SNX29: variants seen among roughly 807,000 people sequenced by gnomAD.
The protein encoded by SNX29 is sorting nexin-29.
In SNX29, 78 loss-of-function variants were observed where a neutral mutation model predicts 102.1. The ratio of observed to expected loss-of-function variants is 0.76; its 90% CI spans 0.64 to 0.92. The LOEUF (loss-of-function observed/expected upper bound fraction) is 0.92, where lower values mean the gene tolerates loss of function less well. SNX29 is among the 40% of genes least tolerant of loss of function. The probability of loss-of-function intolerance (pLI) is 0.00; values close to 1 mark genes in which losing one functional copy is unlikely to be tolerated. For missense variants in SNX29, 1,280 were observed against 1,061.7 expected (o/e 1.21, Z -2.86); for synonymous variants, 580 against 414.5 (o/e 1.40, Z -4.85).
intron 13 of SNX29, among the ~76,000 whole-genome samples, chr16:12,180,121 C>T (rs952572041): frequency 1.3e-5 from 2 of 152,012 alleles, no homozygotes; most frequent in African/African-American, 4.8e-5. Flanking sequence ...ATTTACCTGT[C>T]TTCAGTATTT....
chr16:12,531,357 C>T (rs1472378897), intron 20 of SNX29, among the ~76,000 whole-genome samples: 1 of 152,164 alleles, frequency 6.6e-6, no homozygotes, highest in African/African-American at 2.4e-5. Flanking sequence ...AAGAGCACGC[C>T]AGGACTGGGT....
At chr16:12,184,021 CG>C (rs1167543381) in intron 13 of SNX29, among the ~76,000 whole-genome samples, 2 of 152,328 alleles carry the variant, frequency 1.3e-5, no homozygotes, top group South Asian at 2.1e-4. Context: ...CGGCATCCCT[CG>C]GGGCTGCTCT....
intron 19 of SNX29, among the ~76,000 whole-genome samples, chr16:12,501,525 C>T (rs1461196358): frequency 6.6e-6 from 1 of 151,968 alleles, no homozygotes; most frequent in African/African-American, 2.4e-5. Context: ...AGTTCAAGAC[C>T]AGCCTGGCCA....
At chr16:12,036,908 A>C (rs535718974) in intron 4 of SNX29, among the ~76,000 whole-genome samples, 1 of 152,248 alleles carries the variant, frequency 6.6e-6, no homozygotes, top group Admixed American at 6.5e-5. Context: ...TTATTTATTG[A>C]CTCAAGTAAT....
intron 1 of SNX29, among the ~76,000 whole-genome samples, chr16:11,995,230 TA>T (rs1396930092): frequency 6.6e-6 from 1 of 152,176 alleles, no homozygotes; most frequent in Non-Finnish European, 1.5e-5. Context: ...CACACCTGGC[TA>T]ATTTTTGTAT....
chr16:12,137,996 G>A (rs1311349124), intron 13 of SNX29, among the ~76,000 whole-genome samples: 1 of 152,148 alleles, frequency 6.6e-6, no homozygotes, highest in African/African-American at 2.4e-5. Context: ...GAGAAGGACT[G>A]GAGTGCTGTC....
At chr16:12,304,959 A>G (rs2080293724) in intron 15 of SNX29, among the ~76,000 whole-genome samples, 1 of 152,256 alleles carries the variant, frequency 6.6e-6, no homozygotes, top group Non-Finnish European at 1.5e-5. Context: ...AAGAATGAGA[A>G]TATAATTAAA....
chr16:12,563,480 G>A (rs1353831961), intron 20 of SNX29, among the ~76,000 whole-genome samples: 2 of 152,176 alleles, frequency 1.3e-5, no homozygotes, highest in Admixed American at 1.3e-4. Context: ...AAGGCTCAAG[G>A]AATAGGGCTA....
chr16:12,130,911 C>T (rs1216478332), intron 13 of SNX29, among the ~76,000 whole-genome samples: 2 of 152,186 alleles, frequency 1.3e-5, no homozygotes, highest in African/African-American at 4.8e-5. Context: ...GACAGCGAGG[C>T]ACCGAGATGG....
chr16:12,145,752 T>G (rs1358810449), intron 13 of SNX29, among the ~76,000 whole-genome samples: 1 of 152,262 alleles, frequency 6.6e-6, no homozygotes, highest in Non-Finnish European at 1.5e-5. Flanking sequence ...AGACATTGTC[T>G]CATGTTATTC....
rs566517323 is a variant in SNX29 at position 12,303,268 on chromosome 16, C to A, written c.1782+25232C>A. On this transcript the variant is annotated intron_variant, in intron 15 of 20. Coordinates refer to ENST00000566228, the MANE Select transcript of SNX29 (RefSeq NM_032167.5). ...TAGCCCCACCCTAGTGAAACACTTG[C>A]CCACGAACACCAGGAGAAACACAGC... Among the ~76,000 whole-genome samples the A allele has an allele frequency of 8.5e-5, 13 of 152,284 alleles. No homozygotes were observed. The East Asian group carries it at 2.3e-3, about 27-fold the overall frequency.
chr16:12,073,386 G>C (rs2051391635), intron 10 of SNX29, among the ~76,000 whole-genome samples: 1 of 151,852 alleles, frequency 6.6e-6, no homozygotes, highest in Non-Finnish European at 1.5e-5. Context: ...TGTTCTCGTT[G>C]GTTTCAAAGA....
At chr16:12,535,302 C>G (rs547714675) in intron 20 of SNX29, among the ~76,000 whole-genome samples, 2 of 152,266 alleles carry the variant, frequency 1.3e-5, no homozygotes, top group Non-Finnish European at 2.9e-5. Context: ...CCATGCCCAG[C>G]TAATTTTTGT....
At chr16:12,380,979 AT>A (rs2083097308) in intron 16 of SNX29, among the ~76,000 whole-genome samples, 1 of 78,660 alleles carries the variant, frequency 1.3e-5, no homozygotes, top group Non-Finnish European at 2.5e-5. Context: ...TCCACCCACC[AT>A]CCATCCATCC....
chr16:12,535,886 T>C (rs978746668), intron 20 of SNX29, among the ~76,000 whole-genome samples: 1 of 152,088 alleles, frequency 6.6e-6, no homozygotes, highest in Non-Finnish European at 1.5e-5. Flanking sequence ...GTCCTACCCA[T>C]CTCCCCTTCT....
intron 19 of SNX29, among the ~76,000 whole-genome samples, chr16:12,517,769 G>A (rs905647911): frequency 2.6e-5 from 4 of 152,102 alleles, no homozygotes; most frequent in Non-Finnish European, 5.9e-5. Context: ...AGGAAGCAAC[G>A]AGTGCTTTGA....
At chr16:12,015,611 G>T (rs373144821) in intron 3 of SNX29, among the ~76,000 whole-genome samples, 3 of 149,250 alleles carry the variant, frequency 2.0e-5, no homozygotes, top group South Asian at 2.1e-4. Flanking sequence ...TCTTGGCTCA[G>T]TGCAAGCTCC....
At chr16:12,249,119 G>A (rs2078347082) in intron 14 of SNX29, among the ~76,000 whole-genome samples, 1 of 152,162 alleles carries the variant, frequency 6.6e-6, no homozygotes, top group Non-Finnish European at 1.5e-5. Flanking sequence ...GTGAGTTAGG[G>A]GTTCAGTCAG....
intron 11 of SNX29, among the ~76,000 whole-genome samples, chr16:12,083,262 C>A (rs1037771504): frequency 2.0e-5 from 3 of 150,944 alleles, no homozygotes; most frequent in Non-Finnish European, 4.4e-5. Context: ...GCTGAGATTG[C>A]ACCACTGCAC....
Sources: allele counts gnomAD v4.1 joint callset (sites outside exome capture counted in the v4.1 genomes callset), GRCh38; gene constraint gnomAD v4.1.1; transcripts MANE v1.5; gene names NCBI Gene and HGNC (gene_info 2026-07-23, HGNC 2026-07-21).